Variants in NELL1 observed in about 807,000 individuals in gnomAD.
NELL1 encodes neural EGFL like 1.
In NELL1, 76 loss-of-function variants were observed where a neutral mutation model predicts 107.4. The observed-to-expected ratio is 0.71, with a 90% confidence interval of 0.59 to 0.86. The LOEUF is 0.86. NELL1 is among the 40% of genes least tolerant of loss of function. NELL1 has a pLI of 0.00. For missense variants in NELL1, 1,024 were observed against 1,005.5 expected, an observed-to-expected ratio of 1.02 and a Z score of -0.25; for synonymous variants, 353 against 341.2, an observed-to-expected ratio of 1.03 and a Z score of -0.38.
intron 6 of NELL1, 42 bp downstream of exon 6, chr11:20,918,296 G>T (rs1430469250): frequency 8.3e-7 from 1 of 1,199,706 alleles, no homozygotes; most frequent in Admixed American, 1.7e-5. Context: ...TATATAACTT[G>T]TTGATTGTAT....
chr11:20,986,392 A>G (rs1851853396), intron 12 of NELL1, among the ~76,000 whole-genome samples: 2 of 152,286 alleles, frequency 1.3e-5, no homozygotes, highest in East Asian at 1.9e-4. Context: ...TCAGCTGGCC[A>G]TTGTCACCTT....
At chr11:21,561,714 T>G (rs940478827) in intron 17 of NELL1, among the ~76,000 whole-genome samples, 1 of 152,178 alleles carries the variant, frequency 6.6e-6, no homozygotes, top group Middle Eastern at 3.4e-3. Flanking sequence ...TAATCTAACT[T>G]GACTGAGCTC....
chr11:20,744,423 C>CACT (rs909520503), intron 2 of NELL1, among the ~76,000 whole-genome samples: 2 of 152,134 alleles, frequency 1.3e-5, no homozygotes, highest in African/African-American at 4.8e-5. Context: ...CTGTATAACA[C>CACT]ACTACTCTAA....
At position 21,312,145 on chromosome 11, in the gene NELL1, A is replaced by G. The variant is rs534530979; in HGVS notation, c.1550-58708A>G. ...GTTTGTAAGTTACTCTGTGTATGGTATTTTGTTATAACAGTGTGAATGAAC... is the reference window on the plus strand; with the variant it reads ...GTTTGTAAGTTACTCTGTGTATGGTGTTTTGTTATAACAGTGTGAATGAAC... On this transcript the variant is annotated intron_variant, in intron 14 of 19. Transcript: ENST00000357134. 2.1e-3 allele frequency among the ~76,000 whole-genome samples: 316 copies of G among 152,224 alleles called. 1 individual carries two copies. The highest frequency in any genetic ancestry group is 8.1e-3 in the Admixed American group (123 of 15,262).
intron 14 of NELL1, among the ~76,000 whole-genome samples, chr11:21,349,606 C>CTT (rs199692799): frequency 2.9e-4 from 43 of 147,432 alleles, no homozygotes; most frequent in African/African-American, 9.4e-4. Flanking sequence ...AAATAGTGTC[C>CTT]TTTTTTTTTT....
At chr11:20,830,692 A>G (rs1199295819) in intron 3 of NELL1, among the ~76,000 whole-genome samples, 1 of 152,150 alleles carries the variant, frequency 6.6e-6, no homozygotes, top group African/African-American at 2.4e-5. Flanking sequence ...CTCTTTTCTT[A>G]AGAATGCATT....
intron 12 of NELL1, among the ~76,000 whole-genome samples, chr11:20,966,223 T>A (rs1707606646): frequency 6.6e-6 from 1 of 152,130 alleles, no homozygotes; most frequent in African/African-American, 2.4e-5. Flanking sequence ...TGCCAGCATC[T>A]GGTGAGGGCC....
chr11:20,906,665 TC>T (rs1367547901), intron 5 of NELL1, among the ~76,000 whole-genome samples: 1 of 152,002 alleles, frequency 6.6e-6, no homozygotes, highest in Non-Finnish European at 1.5e-5. Context: ...GTGGGATTTA[TC>T]CCAGGAGAAT....
intron 14 of NELL1, among the ~76,000 whole-genome samples, chr11:21,360,120 C>T (rs1420963171): frequency 6.6e-6 from 1 of 151,996 alleles, no homozygotes; most frequent in Non-Finnish European, 1.5e-5. Context: ...TTGATGTAGG[C>T]ATTTAATGCT....
At chr11:21,008,528 G>A (rs2134283296) in intron 12 of NELL1, among the ~76,000 whole-genome samples, 1 of 152,158 alleles carries the variant, frequency 6.6e-6, no homozygotes, top group African/African-American at 2.4e-5. Flanking sequence ...AATCATAGTA[G>A]GTGCTGAAAA....
chr11:21,566,920 T>C (rs370648852), intron 17 of NELL1, among the ~76,000 whole-genome samples: 2 of 151,880 alleles, frequency 1.3e-5, no homozygotes, highest in East Asian at 1.9e-4. Flanking sequence ...AGGGGCCTAT[T>C]TGGCATTTTC....
chr11:20,963,717 T>TG (rs1851335123), intron 12 of NELL1, among the ~76,000 whole-genome samples: 1 of 152,124 alleles, frequency 6.6e-6, no homozygotes, highest in Non-Finnish European at 1.5e-5. Flanking sequence ...TAGAAAGAAG[T>TG]AAATACTTAT....
At chr11:21,361,980 T>C (rs906982218) in intron 14 of NELL1, among the ~76,000 whole-genome samples, 1 of 152,216 alleles carries the variant, frequency 6.6e-6, no homozygotes, top group Non-Finnish European at 1.5e-5. Context: ...AAATTCTTTA[T>C]CTAGCAATTC....
intron 13 of NELL1, among the ~76,000 whole-genome samples, chr11:21,217,123 C>A (rs538813336): frequency 5.3e-5 from 8 of 152,222 alleles, no homozygotes; most frequent in African/African-American, 1.7e-4. Flanking sequence ...GCTATTCCCC[C>A]CTCCTTCACC....
chr11:21,492,975 A>C (rs1416211272), intron 15 of NELL1, among the ~76,000 whole-genome samples: 3 of 152,156 alleles, frequency 2.0e-5, no homozygotes, highest in Admixed American at 2.0e-4. Context: ...CAAGAGATGT[A>C]TGAAAAAATG....
chr11:20,879,832 T>C (rs965122643), intron 4 of NELL1, among the ~76,000 whole-genome samples: 3 of 152,164 alleles, frequency 2.0e-5, no homozygotes, highest in Admixed American at 2.0e-4. Context: ...TTACGATTTA[T>C]GGCCAAAAAG....
Position 21,496,405 on chromosome 11 carries a change from C to CTT in NELL1, c.1646-37968_1646-37967dup, listed in dbSNP as rs1206711700. 5.7e-5 allele frequency among the ~76,000 whole-genome samples: 8 copies of CTT among 141,280 alleles called. No individual in the cohort carries two copies. The East Asian group carries it at 1.3e-3, about 23-fold the overall frequency. 92.7% of individuals were successfully genotyped at this position (141,280 alleles called of 152,430 possible). A position where few individuals can be genotyped will look rare whatever the true frequency, so the allele number is the denominator to read the frequency against. On this transcript the variant is annotated intron_variant, in intron 15 of 19. Transcript: ENST00000357134. The stretch of plus-strand genomic sequence containing the variant: ...AATTTAAACATATTTTTATTCTTCT[C>CTT]TTGTTTTTTTTTTTTTTTTTCTTGA...
At chr11:20,684,633 T>G (rs1382869911) in intron 2 of NELL1, among the ~76,000 whole-genome samples, 1 of 152,142 alleles carries the variant, frequency 6.6e-6, no homozygotes, top group East Asian at 1.9e-4. Flanking sequence ...AATTTTTGAT[T>G]AATGGCCAGT....
intron 7 of NELL1, among the ~76,000 whole-genome samples, chr11:20,923,911 T>C (rs932555145): frequency 6.6e-6 from 1 of 152,124 alleles, no homozygotes; most frequent in Non-Finnish European, 1.5e-5. Flanking sequence ...AAAGAAGCAA[T>C]CCACCACACA....
Sources: allele counts gnomAD v4.1 joint callset (sites outside exome capture counted in the v4.1 genomes callset), GRCh38; gene constraint gnomAD v4.1.1; transcripts MANE v1.5; gene names NCBI Gene and HGNC (gene_info 2026-07-23, HGNC 2026-07-21).